Variants in EPS15L1 observed in about 807,000 individuals in gnomAD.
The protein encoded by EPS15L1 is epidermal growth factor receptor pathway substrate 15 like 1, also known as epidermal growth factor receptor substrate 15-like 1.
In EPS15L1, 43 loss-of-function variants were observed where a neutral mutation model predicts 117.1. The ratio of observed to expected loss-of-function variants is 0.37; its 90% confidence interval spans 0.29 to 0.47. EPS15L1 has a LOEUF of 0.47. EPS15L1 is among the 20% of genes least tolerant of loss of function. EPS15L1 has a pLI of 0.99. For missense variants in EPS15L1, 981 were observed against 1,164.0 expected (o/e 0.84, Z 2.29); for synonymous variants, 459 against 470.5 (o/e 0.98, Z 0.32).
intron 1 of EPS15L1, among the ~76,000 whole-genome samples, chr19:16,444,621 G>A (rs1014335049): frequency 6.6e-6 from 1 of 152,114 alleles, no homozygotes; most frequent in Non-Finnish European, 1.5e-5. Flanking sequence ...ACAGCACATC[G>A]CCTGCCATGG....
chr19:16,379,859 G>A (rs1427409384), intron 21 of EPS15L1, among the ~76,000 whole-genome samples: 1 of 149,828 alleles, frequency 6.7e-6, no homozygotes, highest in Non-Finnish European at 1.5e-5. Flanking sequence ...AAAAGTGGCT[G>A]TCTAAGACTG....
chr19:16,403,995 A>G, intron 14 of EPS15L1, 65 bp from the exon 15 acceptor site: 1 of 1,436,438 alleles, frequency 7.0e-7, no homozygotes, highest in Non-Finnish European at 9.6e-7. Flanking sequence ...GACTCCGAGA[A>G]AGAACTCTTA....
At chr19:16,394,890 T>C (rs948403890) in intron 17 of EPS15L1, among the ~76,000 whole-genome samples, 5 of 152,132 alleles carry the variant, frequency 3.3e-5, no homozygotes, top group Non-Finnish European at 7.3e-5. Context: ...TCTTGATGCC[T>C]TGGCTCTCTG....
chr19:16,361,863 C>T lies in EPS15L1; in HGVS notation c.2502G>A (p.Pro834=), dbSNP rs765428165. 16 of 1,614,022 alleles carry T rather than the reference C, an allele frequency of 9.9e-6. No homozygotes were observed. Among genetic ancestry groups the T allele is most frequent in the East Asian group, 2.2e-5 (1 of 44,878 alleles). The part of the protein sequence containing the change: ...PFQSKKGFGD[P]FSGKDPFVPS... ...GGACAAATGGGTCTTTTCCACTAAA[C>T]GGGTCCCCAAACCCCTTTTTACTTT... The change falls in exon 23 of 24, where the codon CCG becomes CCA. Residue 834 remains proline (P), a synonymous_variant. Transcript: ENST00000455140.
intron 3 of EPS15L1, 90 bp from the exon 4 acceptor site, chr19:16,440,999 G>A: frequency 8.1e-7 from 1 of 1,240,316 alleles, no homozygotes. Flanking sequence ...CCCATCACTG[G>A]CCTTGCGGGG....
chr19:16,455,803 G>A (rs188285349), intron 1 of EPS15L1, among the ~76,000 whole-genome samples: 42 of 152,128 alleles, frequency 2.8e-4, no homozygotes, highest in African/African-American at 7.5e-4. Flanking sequence ...CCTCCTCATC[G>A]CCCTCCTTCC....
In EPS15L1 at chr19:16,355,643, A is replaced by G; in HGVS notation, c.*62T>C. Reference sequence around the variant, plus strand: ...ACGGTGTGTGTGTGTATATATAGACATCTGCACTGCCCCCTCTCTGGAACC... The same window carrying G: ...ACGGTGTGTGTGTGTATATATAGACGTCTGCACTGCCCCCTCTCTGGAACC... On this transcript the variant is annotated 3_prime_UTR_variant, in exon 24 of 24. Coordinates refer to ENST00000455140, the MANE Select transcript of EPS15L1 (RefSeq NM_001258374.3). 1.3e-6 allele frequency: 2 copies of G among 1,509,552 alleles called. No individual in the cohort carries two copies. The highest frequency in any genetic ancestry group is 1.8e-6 in the Non-Finnish European group (2 of 1,129,238). 93.5% of individuals were successfully genotyped at this position (1,509,552 alleles called of 1,614,324 possible).
At chr19:16,425,347 G>C (rs2092860272) in intron 8 of EPS15L1, 31 bp from the exon 9 acceptor site, 1 of 1,461,220 alleles carries the variant, frequency 6.8e-7, no homozygotes. Context: ...GGCACTGAAG[G>C]GGCAAGGCTG....
intron 1 of EPS15L1, among the ~76,000 whole-genome samples, chr19:16,467,043 C>A (rs1243888149): frequency 6.6e-6 from 1 of 152,044 alleles, no homozygotes; most frequent in Non-Finnish European, 1.5e-5. Context: ...AAAGTATTTG[C>A]AGGACTGAGG....
intron 22 of EPS15L1, among the ~76,000 whole-genome samples, chr19:16,369,199 G>A (rs1302971265): frequency 6.6e-6 from 1 of 152,152 alleles, no homozygotes; most frequent in Non-Finnish European, 1.5e-5. Context: ...TGGGAGTCCT[G>A]CAGGCACCAG....
At chr19:16,400,706 T>C (rs2092592024) in intron 16 of EPS15L1, 1 of 985,318 alleles carries the variant, frequency 1.0e-6, no homozygotes, top group South Asian at 4.7e-5. Flanking sequence ...AGTTTCCATG[T>C]AACGTATCTT....
chr19:16,438,937 C>T (rs2093002633), intron 4 of EPS15L1, among the ~76,000 whole-genome samples: 1 of 152,132 alleles, frequency 6.6e-6, no homozygotes, highest in Non-Finnish European at 1.5e-5. Context: ...TGCCCACCCC[C>T]AGTGGCCTGA....
At chr19:16,457,169 G>A (rs1008794701) in intron 1 of EPS15L1, among the ~76,000 whole-genome samples, 2 of 152,222 alleles carry the variant, frequency 1.3e-5, no homozygotes, top group African/African-American at 2.4e-5. Flanking sequence ...CCCTAAAAAC[G>A]AATGTGTTTC....
At chr19:16,470,470 T>A (rs1037472397) in intron 1 of EPS15L1, among the ~76,000 whole-genome samples, 85 of 152,018 alleles carry the variant, frequency 5.6e-4, no homozygotes, top group African/African-American at 1.8e-3. Context: ...CATGAAATGA[T>A]CTTAGGTGAT....
rs1384237067 is a variant in EPS15L1, at chr19:16,471,252, TGG to T, written c.33+659_33+660del. 6.6e-6 allele frequency among the ~76,000 whole-genome samples: 1 copy of T among 152,104 alleles called. No homozygotes were observed. Among genetic ancestry groups the T allele is most frequent in the Non-Finnish European group, 1.5e-5 (1 of 68,022 alleles). On this transcript the variant is annotated intron_variant, in intron 1 of 23. Transcript: ENST00000455140. The surrounding 1 kb of genome is among the most constrained non-coding windows in gnomAD (Gnocchi z 4.8). ...CCTGACCCAACGCACATTTGAGGGATGGATAGAAAATGAATGAATGAAAGTCT... is the reference window on the plus strand; with the variant it reads ...CCTGACCCAACGCACATTTGAGGGATATAGAAAATGAATGAATGAAAGTCT...
At chr19:16,432,494 G>C (rs886492788) in intron 7 of EPS15L1, among the ~76,000 whole-genome samples, 1 of 152,202 alleles carries the variant, frequency 6.6e-6, no homozygotes, top group East Asian at 1.9e-4. Context: ...CGTGAACCCA[G>C]GAGGCGGAGC....
intron 8 of EPS15L1, 79 bp from the exon 9 acceptor site, chr19:16,425,395 T>A (rs1477729488): frequency 2.0e-6 from 2 of 985,364 alleles, no homozygotes; most frequent in Non-Finnish European, 3.2e-6. Context: ...GGGCAGCCCT[T>A]TGGGGGCTGC....
chr19:16,421,253 C>T, intron 10 of EPS15L1, 66 bp downstream of exon 10: 7 of 1,533,502 alleles, frequency 4.6e-6, no homozygotes, highest in Non-Finnish European at 6.2e-6. Context: ...CACCACCCTC[C>T]ACAGTCTTCA....
At position 16,471,819 on chromosome 19, in the gene EPS15L1, C is replaced by T. The variant is rs894862956; in HGVS notation, c.33+94G>A. 6 of 657,094 alleles carry T rather than the reference C, an allele frequency of 9.1e-6. No homozygotes were observed. The Admixed American group carries it at 2.4e-4, about 26-fold the overall frequency. 40.7% of individuals were successfully genotyped at this position (657,094 alleles called of 1,614,324 possible). A position where few individuals can be genotyped will look rare whatever the true frequency, so the allele number is the denominator to read the frequency against. ...CTTCAGCACGCGCCGCCCCCGCCGC[C>T]GCCTGGCTGAGTCTCCCAGCGCCTC... is the stretch of plus-strand genomic sequence containing the variant. On this transcript the variant is annotated intron_variant, in intron 1 of 23. Coordinates refer to ENST00000455140, the MANE Select transcript of EPS15L1 (RefSeq NM_001258374.3). The surrounding 1 kb of genome is among the most constrained non-coding windows in gnomAD (Gnocchi z 4.8).
Sources: gnomAD v4.1 joint callset for allele counts (sites outside exome capture counted in the v4.1 genomes callset) on GRCh38, gnomAD v4.1.1 for gene constraint, Gnocchi (gnomAD v3.1) non-coding constraint, MANE v1.5 for transcripts, NCBI Gene and HGNC (gene_info 2026-07-23, HGNC 2026-07-21) for gene names.